CLEC7A: variants seen among roughly 807,000 people sequenced by gnomAD.
CLEC7A encodes C-type lectin domain family 7 member A.
A neutral mutation model predicts 26.9 loss-of-function variants in CLEC7A; 25 were observed. The observed-to-expected ratio is 0.93, with a 90% CI of 0.68 to 1.30. The LOEUF (loss-of-function observed/expected upper bound fraction) is 1.30, where lower values mean the gene tolerates loss of function less well. Among genes scored for constraint, CLEC7A ranks in the 50% most tolerant of loss-of-function variants. The probability of loss-of-function intolerance (pLI) is 0.00; values close to 1 mark genes in which losing one functional copy is unlikely to be tolerated. For missense variants in CLEC7A, 275 were observed against 286.7 expected (o/e 0.96, Z 0.29); for synonymous variants, 100 against 99.5 (o/e 1.01, Z -0.03).
intron 5 of CLEC7A, among the ~76,000 whole-genome samples, chr12:10,120,995 G>C (rs1948068041): frequency 6.6e-6 from 1 of 151,032 alleles, no homozygotes; most frequent in Non-Finnish European, 1.5e-5. Context: ...GGCAGAGGTT[G>C]CAGTAGGCCA....
In CLEC7A at chr12:10,118,549, G is replaced by A. The variant is rs1487309313; in HGVS notation, c.653C>T (p.Pro218Leu). The stretch of plus-strand genomic sequence containing the variant: ...TGACACGTGAATCCATACACAATTT[G>A]GAGATGGGTTTTCTTGGGTAGCTGT... ...RTTATQENPS[P>L]NCVWIHVSVI... Residue 218 changes from proline (P) to leucine (L), a missense_variant, in exon 6 of 6, where the codon CCA becomes CTA. Coordinates refer to ENST00000304084, the MANE Select transcript of CLEC7A (RefSeq NM_197947.3). 1.2e-6 allele frequency: 2 copies of A among 1,613,186 alleles called. No homozygotes were observed. The highest frequency in any genetic ancestry group is 1.7e-6 in the Non-Finnish European group (2 of 1,179,300).
In CLEC7A at chr12:10,123,338, G is replaced by A. The variant is rs1462311040; in HGVS notation, c.518C>T (p.Ser173Phe). The change falls in exon 5 of 6, where the codon TCC (serine) becomes TTC (phenylalanine). Residue 173 changes from serine (S) to phenylalanine (F), a missense_variant. Ser to Phe is a radical substitution (Grantham distance 155, BLOSUM62 -2). Coordinates refer to ENST00000304084, the MANE Select transcript of CLEC7A (RefSeq NM_197947.3). ...TATCCAAAATGAATTATCAGGTTGG[G>A]AAGACACTTGTTTTACTATAAATCC... ...ELGFIVKQVSSQPDNSFWIGL... is the reference protein window; with the variant it reads ...ELGFIVKQVSFQPDNSFWIGL... The A allele has an allele frequency of 6.2e-7, 1 of 1,607,800 alleles. No individual in the cohort carries two copies. The highest frequency in any genetic ancestry group is 8.5e-7 in the Non-Finnish European group (1 of 1,174,216).
At position 10,116,870 on chromosome 12, in the gene CLEC7A, T is replaced by C. The variant is rs1333096547; in HGVS notation, c.*1588A>G. Reference sequence around the variant, plus strand: ...CATAATTTAGTAAAATTGGTACAATTTCTTTTCACATATTAATCAACATTA... The same window carrying C: ...CATAATTTAGTAAAATTGGTACAATCTCTTTTCACATATTAATCAACATTA... On this transcript the variant is annotated 3_prime_UTR_variant, in exon 6 of 6. Coordinates refer to ENST00000304084, the MANE Select transcript of CLEC7A (RefSeq NM_197947.3). 6.6e-6 allele frequency: 1 copy of C among 152,170 alleles called. No individual in the cohort carries two copies. The highest frequency in any genetic ancestry group is 1.5e-5 in the Non-Finnish European group (1 of 68,028). The allele number at this position is 152,170 out of a possible 1,614,324, so 9.4% of individuals were successfully genotyped here. A position where few individuals can be genotyped will look rare whatever the true frequency, so the allele number is the denominator to read the frequency against.
chr12:10,125,976 A>G (rs1948268832), intron 3 of CLEC7A, among the ~76,000 whole-genome samples: 2 of 152,236 alleles, frequency 1.3e-5, no homozygotes, highest in South Asian at 2.1e-4. Flanking sequence ...AACTGAAAAC[A>G]TTAAGTCATA....
At chr12:10,127,302 A>G in intron 2 of CLEC7A, 1 of 1,502,292 alleles carries the variant, frequency 6.7e-7, no homozygotes, top group Non-Finnish European at 9.0e-7. Context: ...TTCCTTAAAT[A>G]ATGTGAATCA....
At position 10,127,774 on chromosome 12, in the gene CLEC7A, CCA is replaced by C; in HGVS notation, c.173_174del (p.Leu58ArgfsTer31). 6.3e-7 allele frequency: 1 copy of C among 1,590,564 alleles called. No individual in the cohort carries two copies. The highest frequency in any genetic ancestry group is 1.8e-5 in the Admixed American group (1 of 56,292). On this transcript the variant is annotated frameshift_variant, in exon 2 of 6. Transcript: ENST00000304084. LOFTEE classifies it high-confidence loss of function. ...VILGILCLVI[L>X]VIAVVLGTMA... ...ATGGTACCCAGGACCACAGCTATCA[CCA>C]GTATTACCAAGCATAGGATTCCCAA...
chr12:10,123,940 CCTAT>C (rs1177751349), intron 4 of CLEC7A, among the ~76,000 whole-genome samples: 1 of 152,198 alleles, frequency 6.6e-6, no homozygotes, highest in African/African-American at 2.4e-5. Flanking sequence ...CTCCATTCAA[CCTAT>C]CTGACAAAAT....
chr12:10,129,795 T>C (rs1421663474), intron 1 of CLEC7A, among the ~76,000 whole-genome samples, 185 bp downstream of exon 1: 5 of 152,044 alleles, frequency 3.3e-5, no homozygotes, highest in Non-Finnish European at 5.9e-5. Flanking sequence ...TTTTTGTATT[T>C]TTAGTAGAGA....
chr12:10,124,075 C>T (rs963865343), intron 4 of CLEC7A, among the ~76,000 whole-genome samples: 6 of 152,150 alleles, frequency 3.9e-5, no homozygotes, highest in Admixed American at 6.5e-5. Flanking sequence ...TAGGTAACAA[C>T]TTAAAAATAA....
In CLEC7A at chr12:10,123,289, C is replaced by G; in HGVS notation, c.567G>C (p.Glu189Asp). 1.2e-6 allele frequency: 2 copies of G among 1,613,418 alleles called. No homozygotes were observed. Among genetic ancestry groups the G allele is most frequent in the Non-Finnish European group, 1.7e-6 (2 of 1,179,430 alleles). The change falls in exon 5 of 6, where the codon GAG becomes GAC. Residue 189 changes from glutamate to aspartate, a missense_variant. Physicochemically the swap from Glu to Asp is conservative, Grantham distance 45 (BLOSUM62 2). Transcript: ENST00000304084. ...FWIGLSRPQT[E>D]VPWLWEDGST... Reference sequence around the variant, plus strand: ...ATCCATCCTCCCAGAGCCATGGTACCTCAGTCTGGGGCCGAGAAAGGCCTA... The same window carrying G: ...ATCCATCCTCCCAGAGCCATGGTACGTCAGTCTGGGGCCGAGAAAGGCCTA...
chr12:10,120,392 A>G (rs1948039806), intron 5 of CLEC7A, among the ~76,000 whole-genome samples: 1 of 152,204 alleles, frequency 6.6e-6, no homozygotes, highest in African/African-American at 2.4e-5. Context: ...GTGGAATAAT[A>G]TATTTGAGTG....
intron 2 of CLEC7A, 168 bp from the exon 3 acceptor site, chr12:10,126,876 A>T (rs1471034889): frequency 1.5e-6 from 1 of 662,796 alleles, no homozygotes; most frequent in Admixed American, 3.5e-5. Flanking sequence ...GATAGAATAG[A>T]TGAAAAGAAA....
At chr12:10,127,492 A>C (rs1350394729) in intron 2 of CLEC7A, 1 of 1,570,400 alleles carries the variant, frequency 6.4e-7, no homozygotes. Flanking sequence ...TGAGTTTTTT[A>C]GACAGATCAC....
chr12:10,128,247 C>CACACA (rs3221301), intron 1 of CLEC7A, among the ~76,000 whole-genome samples: 4 of 136,822 alleles, frequency 2.9e-5, no homozygotes, highest in African/African-American at 8.8e-5. Context: ...CACACACACA[C>CACACA]CACCAACAAC....
At chr12:10,118,615 T>C (rs1270339194) in intron 5 of CLEC7A, 25 bp from the exon 6 acceptor site, 1 of 1,601,822 alleles carries the variant, frequency 6.2e-7, no homozygotes, top group African/African-American at 1.3e-5. Flanking sequence ...TACAGTGAGG[T>C]AATTAGAACA....
rs915585977 is a variant in CLEC7A at position 10,123,380 on chromosome 12, A to G, written c.493-17T>C. On this transcript the variant is annotated splice_polypyrimidine_tract_variant and intron_variant, in intron 4 of 5. Transcript: ENST00000304084. ...TATAAATCCCTGTAATGAAACATAT[A>G]CAAATATATAATAAAGAGAGAGAGA... The G allele has an allele frequency of 1.3e-5, 17 of 1,284,716 alleles. No homozygotes were observed. Among genetic ancestry groups the G allele is most frequent in the Non-Finnish European group, 1.9e-5 (17 of 880,858 alleles). The allele number at this position is 1,284,716 out of a possible 1,614,324, so 79.6% of individuals were successfully genotyped here.
intron 4 of CLEC7A, 107 bp from the exon 5 acceptor site, chr12:10,123,470 A>C (rs1036863030): frequency 8.8e-6 from 7 of 795,754 alleles, no homozygotes; most frequent in Middle Eastern, 3.1e-4. Flanking sequence ...CACTTTGGTA[A>C]AGAATGCAAG....
At chr12:10,121,765 G>T (rs1032885767) in intron 5 of CLEC7A, among the ~76,000 whole-genome samples, 2 of 152,194 alleles carry the variant, frequency 1.3e-5, no homozygotes, top group African/African-American at 4.8e-5. Flanking sequence ...GTTTGAGATG[G>T]AATAGCAAAT....
chr12:10,127,040 C>A (rs533137510), intron 2 of CLEC7A: 35 of 1,394,492 alleles, frequency 2.5e-5, no homozygotes, highest in Non-Finnish European at 3.2e-5. Flanking sequence ...CATCTTTCAC[C>A]TTTCTTCTGT....
Sources: gnomAD v4.1 joint callset for allele counts (sites outside exome capture counted in the v4.1 genomes callset) on GRCh38, gnomAD v4.1.1 for gene constraint, MANE v1.5 for transcripts, NCBI Gene and HGNC (gene_info 2026-07-23, HGNC 2026-07-21) for gene names.